The following RAB27B variants were observed in gnomAD, a reference collection of about 807,000 sequenced individuals.
The protein encoded by RAB27B is ras-related protein Rab-27B.
A neutral mutation model predicts 24.6 loss-of-function variants in RAB27B; 15 were observed. The ratio of observed to expected loss-of-function variants is 0.61; its 90% CI spans 0.41 to 0.94. RAB27B has a LOEUF of 0.94. Among genes scored for constraint, RAB27B ranks in the 40% least tolerant of loss-of-function variants. RAB27B has a pLI of 0.00. For missense variants in RAB27B, 261 were observed against 266.8 expected, an observed-to-expected ratio of 0.98 and a Z score of 0.15; for synonymous variants, 105 against 92.5, an observed-to-expected ratio of 1.14 and a Z score of -0.78.
chr18:54,759,459 A>G (rs1363474268), intron 2 of RAB27B, among the ~76,000 whole-genome samples: 3 of 152,164 alleles, frequency 2.0e-5, no homozygotes, highest in African/African-American at 7.2e-5. Context: ...AGTATGCTGA[A>G]GTGGGAGCAA....
At chr18:54,718,421 G>A (rs980004297) in intron 2 of RAB27B, among the ~76,000 whole-genome samples, 4 of 152,146 alleles carry the variant, frequency 2.6e-5, no homozygotes, top group Admixed American at 2.0e-4. Flanking sequence ...TGCAGACTGC[G>A]TGCATGGATT....
chr18:54,777,403 T>G (rs560131694), intron 2 of RAB27B, among the ~76,000 whole-genome samples: 1 of 152,342 alleles, frequency 6.6e-6, no homozygotes, highest in African/African-American at 2.4e-5. Context: ...ACTTGAAAAC[T>G]GATCCTTAGA....
In RAB27B at chr18:54,891,500, A is replaced by G. The variant is rs1913369060; in HGVS notation, c.*2087A>G. On this transcript the variant is annotated 3_prime_UTR_variant, in exon 6 of 6. Transcript: ENST00000262094. ...TTCTTCTGGAAGGAAAGTGAGCAGG[A>G]ACAAGTTATATTGCCACTGCTGTGG... is the stretch of plus-strand genomic sequence containing the variant. The G allele has an allele frequency of 6.6e-6, 1 of 152,148 alleles. No individual in the cohort carries two copies. The highest frequency in any genetic ancestry group is 1.5e-5 in the Non-Finnish European group (1 of 68,018). 9.4% of individuals were successfully genotyped at this position (152,148 alleles called of 1,614,324 possible). A position where few individuals can be genotyped will look rare whatever the true frequency, so the allele number is the denominator to read the frequency against.
chr18:54,771,219 A>G (rs1908537837), intron 2 of RAB27B, among the ~76,000 whole-genome samples: 2 of 152,230 alleles, frequency 1.3e-5, no homozygotes, highest in Non-Finnish European at 2.9e-5. Flanking sequence ...TAAAATGAAC[A>G]CTAATTGGTT....
intron 1 of RAB27B, among the ~76,000 whole-genome samples, chr18:54,847,799 G>T (rs1445019496): frequency 6.6e-6 from 1 of 151,864 alleles, no homozygotes; most frequent in African/African-American, 2.4e-5. Flanking sequence ...AATTTGTCCT[G>T]ATTTTCCAAA....
intron 2 of RAB27B, among the ~76,000 whole-genome samples, chr18:54,727,357 T>C (rs1249507635): frequency 6.6e-6 from 1 of 152,132 alleles, no homozygotes; most frequent in Non-Finnish European, 1.5e-5. Context: ...GGTGTATATA[T>C]AAAATGAAAA....
At chr18:54,746,264 A>G (rs1427052716) in intron 2 of RAB27B, among the ~76,000 whole-genome samples, 1 of 152,212 alleles carries the variant, frequency 6.6e-6, no homozygotes, top group Non-Finnish European at 1.5e-5. Context: ...GATCTCAGGT[A>G]TGAGGTAAGA....
intron 2 of RAB27B, among the ~76,000 whole-genome samples, chr18:54,735,465 C>T (rs1486136933): frequency 6.6e-6 from 1 of 152,016 alleles, no homozygotes; most frequent in Admixed American, 6.6e-5. Context: ...GACCATGGCC[C>T]TTATATGATA....
chr18:54,845,335 A>T (rs1231110863), intron 1 of RAB27B, among the ~76,000 whole-genome samples: 1 of 150,772 alleles, frequency 6.6e-6, no homozygotes, highest in Non-Finnish European at 1.5e-5. Flanking sequence ...TAAACCCAGG[A>T]GACAGAGGTT....
chr18:54,884,437 G>T lies in RAB27B; in HGVS notation c.343+1G>T. ...TTCTTAAATGTCAGAAACTGGATGA[G>T]TAAGTGGGACTGAGTAATGTGCATT... On this transcript the variant is annotated splice_donor_variant, in intron 4 of 5. Transcript: ENST00000262094. LOFTEE classifies it high-confidence loss of function. 6.3e-7 allele frequency: 1 copy of T among 1,594,720 alleles called. No individual in the cohort carries two copies. Among genetic ancestry groups the T allele is most frequent in the Non-Finnish European group, 8.6e-7 (1 of 1,162,966 alleles).
intron 2 of RAB27B, among the ~76,000 whole-genome samples, chr18:54,812,550 A>AACACAC (rs10595171): frequency 0.097 from 13,488 of 139,030 alleles, 863 homozygotes; most frequent in East Asian, 0.14. Flanking sequence ...GAACTCCTTT[A>AACACAC]ACACACACAC....
chr18:54,790,113 GAA>G (rs1031756965), intron 2 of RAB27B, among the ~76,000 whole-genome samples: 1 of 151,054 alleles, frequency 6.6e-6, no homozygotes, highest in Non-Finnish European at 1.5e-5. Context: ...CCATTGTCAG[GAA>G]AAAAAAGAGT....
intron 1 of RAB27B, among the ~76,000 whole-genome samples, chr18:54,842,743 CTCCA>C (rs1463542823): frequency 2.6e-5 from 4 of 152,192 alleles, no homozygotes; most frequent in African/African-American, 9.6e-5. Flanking sequence ...TAATTTCACC[CTCCA>C]TCCACTAGTT....
At chr18:54,888,832 A>T (rs935547438) in intron 5 of RAB27B, among the ~76,000 whole-genome samples, 5 of 152,164 alleles carry the variant, frequency 3.3e-5, no homozygotes, top group Admixed American at 3.3e-4. Flanking sequence ...TATTCAATGC[A>T]TACCTATTTT....
At chr18:54,801,468 G>C (rs1407090358) in intron 2 of RAB27B, among the ~76,000 whole-genome samples, 1 of 152,094 alleles carries the variant, frequency 6.6e-6, no homozygotes, top group East Asian at 1.9e-4. Flanking sequence ...TGTCATCACT[G>C]TATCCCAGGT....
intron 2 of RAB27B, among the ~76,000 whole-genome samples, chr18:54,813,135 C>A (rs186271111): frequency 6.6e-6 from 1 of 152,230 alleles, no homozygotes; most frequent in Non-Finnish European, 1.5e-5. Context: ...AATACCCCAG[C>A]GCTGAAGGGG....
chr18:54,790,118 A>G (rs1025308843), intron 2 of RAB27B, among the ~76,000 whole-genome samples: 1 of 152,122 alleles, frequency 6.6e-6, no homozygotes, highest in African/African-American at 2.4e-5. Context: ...GTCAGGAAAA[A>G]AAAGAGTATT....
chr18:54,821,817 G>C (rs1284048699), intron 2 of RAB27B, among the ~76,000 whole-genome samples: 1 of 152,182 alleles, frequency 6.6e-6, no homozygotes, highest in Non-Finnish European at 1.5e-5. Context: ...GCAATGACAC[G>C]ATCTCGGCTC....
chr18:54,721,447 C>T (rs949150351), intron 2 of RAB27B, among the ~76,000 whole-genome samples: 2 of 152,174 alleles, frequency 1.3e-5, no homozygotes, highest in Non-Finnish European at 2.9e-5. Context: ...AAGATTTGCT[C>T]TTTCACATAA....
Sources: allele counts gnomAD v4.1 joint callset (sites outside exome capture counted in the v4.1 genomes callset), GRCh38; gene constraint gnomAD v4.1.1; transcripts MANE v1.5; gene names NCBI Gene and HGNC (gene_info 2026-07-23, HGNC 2026-07-21).